The following ARHGAP21 variants were observed in gnomAD, a reference collection of about 807,000 sequenced individuals.
The protein encoded by ARHGAP21 is rho GTPase-activating protein 21.
A neutral mutation model predicts 164.6 loss-of-function variants in ARHGAP21; 38 were observed. The observed-to-expected ratio is 0.23, with a 90% CI of 0.18 to 0.30. ARHGAP21 has a LOEUF of 0.30. Ranked by LOEUF, ARHGAP21 falls within the 10% of genes least tolerant of loss-of-function variation. The pLI, the probability that ARHGAP21 is intolerant of heterozygous loss-of-function variation, is 1.00. For missense variants in ARHGAP21, 1,822 were observed against 2,370.7 expected (o/e 0.77, Z 4.81); for synonymous variants, 766 against 857.9 (o/e 0.89, Z 1.87).
At chr10:24,623,988 G>C (rs1834830792) in intron 7 of ARHGAP21, among the ~76,000 whole-genome samples, 1 of 152,118 alleles carries the variant, frequency 6.6e-6, no homozygotes, top group Admixed American at 6.5e-5. Context: ...ATTAAAACTT[G>C]AGAATATTTT....
intron 11 of ARHGAP21, among the ~76,000 whole-genome samples, chr10:24,606,135 T>A (rs2077015819): frequency 6.6e-6 from 1 of 152,152 alleles, no homozygotes; most frequent in Non-Finnish European, 1.5e-5. Flanking sequence ...AACATAAATT[T>A]TGTTATAATT....
At chr10:24,596,682 A>G (rs1052633510) in intron 17 of ARHGAP21, 58 bp downstream of exon 17, 21 of 1,609,976 alleles carry the variant, frequency 1.3e-5, no homozygotes, top group Non-Finnish European at 1.7e-5. Context: ...CTCAGATCCC[A>G]TTATAATCAA....
intron 2 of ARHGAP21, among the ~76,000 whole-genome samples, chr10:24,707,368 T>C (rs1337245278): frequency 6.6e-6 from 1 of 152,194 alleles, no homozygotes; most frequent in Non-Finnish European, 1.5e-5. Context: ...GATTAATAGT[T>C]TCAAGATGAT....
chr10:24,587,401 A>G (rs2076150595), intron 25 of ARHGAP21, among the ~76,000 whole-genome samples: 1 of 152,148 alleles, frequency 6.6e-6, no homozygotes. Flanking sequence ...AACAGACAGT[A>G]TATTTCTCTA....
chr10:24,664,561 AAAAAAT>A (rs1840008544), intron 4 of ARHGAP21, among the ~76,000 whole-genome samples: 3 of 150,706 alleles, frequency 2.0e-5, no homozygotes, highest in African/African-American at 7.3e-5. Flanking sequence ...TCTCAAAAAA[AAAAAAT>A]AATAATAATA....
chr10:24,644,776 T>C (rs1837394270), intron 4 of ARHGAP21, among the ~76,000 whole-genome samples: 2 of 152,210 alleles, frequency 1.3e-5, no homozygotes, highest in African/African-American at 4.8e-5. Context: ...GACCAGCTCT[T>C]AGAGTCCTGT....
At chr10:24,621,483 C>T in intron 8 of ARHGAP21, 114 bp from the exon 9 acceptor site, 1 of 908,162 alleles carries the variant, frequency 1.1e-6, no homozygotes, top group East Asian at 2.7e-5. Flanking sequence ...GTGACATTCA[C>T]TATAGCATGC....
chr10:24,612,964 A>G (rs2077333767), intron 9 of ARHGAP21, among the ~76,000 whole-genome samples: 1 of 152,196 alleles, frequency 6.6e-6, no homozygotes, highest in African/African-American at 2.4e-5. Flanking sequence ...GTGAACGGCT[A>G]AAGTTAAATG....
Position 24,584,673 on chromosome 10 carries a change from A to T in ARHGAP21, c.5616T>A (p.Asp1872Glu). 6.2e-7 allele frequency: 1 copy of T among 1,613,638 alleles called. No homozygotes were observed. Among genetic ancestry groups the T allele is most frequent in the Non-Finnish European group, 8.5e-7 (1 of 1,179,808 alleles). Residue 1872 changes from aspartate to glutamate, a missense_variant, in exon 26 of 26, where the codon GAT (aspartate) becomes GAA (glutamate). Asp to Glu is a conservative substitution (Grantham distance 45). Coordinates refer to ENST00000396432, the MANE Select transcript of ARHGAP21 (RefSeq NM_020824.4). ...TSDLSRGEIG[D>E]PQTENPSTRE... ...GTGTGCTTGGGTTCTCTGTCTGGGG[A>T]TCTCCGATTTCTCCTCTGCTAAGGT...
chr10:24,627,860 C>T (rs927024372), intron 7 of ARHGAP21, among the ~76,000 whole-genome samples: 1 of 152,176 alleles, frequency 6.6e-6, no homozygotes, highest in African/African-American at 2.4e-5. Context: ...GATATCATGG[C>T]GATTCTGCAT....
At chr10:24,623,752 T>G (rs1834810702) in intron 7 of ARHGAP21, among the ~76,000 whole-genome samples, 1 of 152,232 alleles carries the variant, frequency 6.6e-6, no homozygotes, top group East Asian at 1.9e-4. Flanking sequence ...CTTGGCAAGC[T>G]TTTTGATTTC....
intron 2 of ARHGAP21, among the ~76,000 whole-genome samples, chr10:24,718,594 G>T (rs1441339936): frequency 6.6e-6 from 1 of 152,170 alleles, no homozygotes; most frequent in Non-Finnish European, 1.5e-5. Flanking sequence ...TAGGGAGTCT[G>T]GGATGAAAGC....
At chr10:24,705,725 A>G (rs779582501) in intron 2 of ARHGAP21, among the ~76,000 whole-genome samples, 10 of 152,220 alleles carry the variant, frequency 6.6e-5, no homozygotes, top group Non-Finnish European at 1.2e-4. Context: ...AGTAAGGAAG[A>G]CAAATACCCA....
At position 24,641,766 on chromosome 10, in the gene ARHGAP21, C is replaced by T. The variant is rs527577083; in HGVS notation, c.269-6663G>A. On this transcript the variant is annotated intron_variant, in intron 4 of 25. Transcript: ENST00000396432. Reference sequence around the variant, plus strand: ...ATCCCAGCACTTTGGGAGGCAGAGGCGGGTGGATCACGAGGTCAGGAGTTC... The same window carrying T: ...ATCCCAGCACTTTGGGAGGCAGAGGTGGGTGGATCACGAGGTCAGGAGTTC... 4.6e-5 allele frequency among the ~76,000 whole-genome samples: 7 copies of T among 152,158 alleles called. No homozygotes were observed. The South Asian group carries it at 1.2e-3, about 27-fold the overall frequency.
At chr10:24,634,185 A>G (rs1462316099) in intron 5 of ARHGAP21, among the ~76,000 whole-genome samples, 2 of 151,868 alleles carry the variant, frequency 1.3e-5, no homozygotes, top group Admixed American at 1.3e-4. Context: ...CATGCATACT[A>G]ATATACATAT....
intron 5 of ARHGAP21, among the ~76,000 whole-genome samples, 197 bp from the exon 6 acceptor site, chr10:24,633,677 GT>G (rs1282814018): frequency 5.3e-5 from 8 of 151,860 alleles, no homozygotes; most frequent in Admixed American, 2.6e-4. Context: ...TACTTTTAAA[GT>G]TTTTACAAAA....
intron 3 of ARHGAP21, among the ~76,000 whole-genome samples, chr10:24,669,937 T>C (rs1840540804): frequency 6.6e-6 from 1 of 152,180 alleles, no homozygotes; most frequent in African/African-American, 2.4e-5. Flanking sequence ...AGTTACATAT[T>C]AGAAAAAGTA....
intron 2 of ARHGAP21, among the ~76,000 whole-genome samples, chr10:24,690,479 A>G (rs933817825): frequency 1.3e-5 from 2 of 152,126 alleles, no homozygotes; most frequent in Admixed American, 1.3e-4. Context: ...ATTACTAGTG[A>G]GGCTAGACAT....
intron 7 of ARHGAP21, among the ~76,000 whole-genome samples, chr10:24,625,050 T>A (rs1398616203): frequency 2.6e-3 from 2 of 778 alleles, no homozygotes; most frequent in East Asian, 0.11. Flanking sequence ...CTCTAAAAAG[T>A]GGGGGGGGGG....
Sources: gnomAD v4.1 joint callset for allele counts (sites outside exome capture counted in the v4.1 genomes callset) on GRCh38, gnomAD v4.1.1 for gene constraint, MANE v1.5 for transcripts, NCBI Gene and HGNC (gene_info 2026-07-23, HGNC 2026-07-21) for gene names.